Variants in ARIH1 observed in about 807,000 individuals in gnomAD.
ARIH1 encodes the protein E3 ubiquitin-protein ligase ARIH1.
Under a neutral mutation model 85.0 loss-of-function variants are expected in ARIH1, and 8 were observed. That is an observed-to-expected ratio of 0.09 (90% CI 0.06 to 0.17). ARIH1 has a LOEUF of 0.17. ARIH1 is among the 10% of genes least tolerant of loss of function. ARIH1 has a pLI of 1.00. For missense variants in ARIH1, 311 were observed against 718.1 expected (o/e 0.43, Z 6.48); for synonymous variants, 238 against 253.6 (o/e 0.94, Z 0.59).
At chr15:72,516,583 C>T (rs1233949418) in intron 1 of ARIH1, among the ~76,000 whole-genome samples, 3 of 152,126 alleles carry the variant, frequency 2.0e-5, no homozygotes, top group African/African-American at 7.2e-5. Flanking sequence ...CAGCAGTGCT[C>T]TGTTAAAGAC....
At chr15:72,553,015 T>C (rs934143052) in intron 3 of ARIH1, among the ~76,000 whole-genome samples, 24 of 152,134 alleles carry the variant, frequency 1.6e-4, no homozygotes, top group African/African-American at 5.8e-4. Flanking sequence ...CTGTAAGTGA[T>C]CCGCCCACCT....
At chr15:72,553,120 A>C (rs1419262969) in intron 3 of ARIH1, among the ~76,000 whole-genome samples, 3 of 152,182 alleles carry the variant, frequency 2.0e-5, no homozygotes, top group African/African-American at 4.8e-5. Context: ...TGTACTGTTA[A>C]AGTAATTGTT....
chr15:72,478,532 T>C (rs1009723585), intron 1 of ARIH1, among the ~76,000 whole-genome samples: 9 of 152,222 alleles, frequency 5.9e-5, no homozygotes, highest in African/African-American at 2.2e-4. Context: ...TCCACAACAG[T>C]GTTCAGCAAA....
chr15:72,578,251 T>G (rs115050923), intron 11 of ARIH1, among the ~76,000 whole-genome samples: 40 of 152,324 alleles, frequency 2.6e-4, no homozygotes, highest in African/African-American at 9.6e-4. Flanking sequence ...TGGACACAGT[T>G]TTCTCTACCA....
intron 12 of ARIH1, 129 bp from the exon 13 acceptor site, chr15:72,581,946 G>T (rs2064296871): frequency 1.7e-6 from 1 of 589,384 alleles, no homozygotes; most frequent in Non-Finnish European, 3.1e-6. Flanking sequence ...AGCTTTACAG[G>T]TGCAGTTAAA....
intron 1 of ARIH1, among the ~76,000 whole-genome samples, chr15:72,516,308 T>C (rs1273042962): frequency 2.6e-5 from 4 of 152,184 alleles, no homozygotes; most frequent in African/African-American, 9.7e-5. Flanking sequence ...AGTCTCTTGA[T>C]TGATGGAGAG....
At chr15:72,487,234 A>G (rs1440345965) in intron 1 of ARIH1, among the ~76,000 whole-genome samples, 2 of 152,186 alleles carry the variant, frequency 1.3e-5, no homozygotes, top group Non-Finnish European at 2.9e-5. Context: ...TTACTGAGAC[A>G]TTTGCTTAGA....
rs555880025 is a variant in ARIH1, at chr15:72,533,412, G to T, written c.444-11408G>T. ...GTGCTGGGATTATAGGCGTGAGCCC[G>T]TGGGCCCGGCCCCTGGCTGTTAATA... On this transcript the variant is annotated intron_variant, in intron 2 of 13. Coordinates refer to ENST00000379887, the MANE Select transcript of ARIH1 (RefSeq NM_005744.5). Among the ~76,000 whole-genome samples the T allele has an allele frequency of 5.3e-5, 8 of 152,288 alleles. No individual in the cohort carries two copies. The East Asian group carries it at 1.4e-3, about 26-fold the overall frequency.
chr15:72,500,491 C>T (rs2063898269), intron 1 of ARIH1, among the ~76,000 whole-genome samples: 1 of 152,182 alleles, frequency 6.6e-6, no homozygotes, highest in African/African-American at 2.4e-5. Context: ...TGGACCCTTT[C>T]AACTGGAAGA....
In ARIH1 at chr15:72,583,330, C is replaced by T. The variant is rs765112850; in HGVS notation, c.*38C>T. On this transcript the variant is annotated 3_prime_UTR_variant, in exon 14 of 14. Transcript: ENST00000379887. The stretch of plus-strand genomic sequence containing the variant: ...ATAAAATGAACTCTGAAAACTTTAC[C>T]ATCTAGAGTGCTCATGCAATTAAAA... 2 of 1,524,364 alleles carry T rather than the reference C, an allele frequency of 1.3e-6. No homozygotes were observed. Among genetic ancestry groups the T allele is most frequent in the Non-Finnish European group, 1.8e-6 (2 of 1,104,558 alleles). 94.4% of individuals were successfully genotyped at this position (1,524,364 alleles called of 1,614,324 possible). A position where few individuals can be genotyped will look rare whatever the true frequency, so the allele number is the denominator to read the frequency against.
intron 1 of ARIH1, among the ~76,000 whole-genome samples, chr15:72,509,603 A>G (rs563616543): frequency 6.6e-6 from 1 of 151,784 alleles, no homozygotes; most frequent in East Asian, 1.9e-4. Context: ...TCACTCATTC[A>G]TTTAAGACAG....
At chr15:72,477,396 G>C (rs186152815) in intron 1 of ARIH1, among the ~76,000 whole-genome samples, 36 of 152,300 alleles carry the variant, frequency 2.4e-4, no homozygotes, top group Admixed American at 2.1e-3. Flanking sequence ...GCATTAGAGA[G>C]CTTACTGTTA....
rs1471941098 is a variant in ARIH1, at chr15:72,474,900, T to TGGTGGC, written c.264_269dup (p.Gly89_Gly90dup). 4.2e-6 allele frequency: 6 copies of TGGTGGC among 1,441,010 alleles called. No homozygotes were observed. The highest frequency in any genetic ancestry group is 4.6e-6 in the Non-Finnish European group (5 of 1,091,316). 89.3% of individuals were successfully genotyped at this position (1,441,010 alleles called of 1,614,324 possible). A position where few individuals can be genotyped will look rare whatever the true frequency, so the allele number is the denominator to read the frequency against. On this transcript the variant is annotated inframe_insertion, in exon 1 of 14. Coordinates refer to ENST00000379887, the MANE Select transcript of ARIH1 (RefSeq NM_005744.5). ...GCGGCGGCGGCGGCGGCGGCGGTGG[T>TGGTGGC]GGTGGCGGGCCGGGGCATGAGCAGG...
At chr15:72,517,742 G>A (rs1209453656) in intron 1 of ARIH1, among the ~76,000 whole-genome samples, 1 of 152,014 alleles carries the variant, frequency 6.6e-6, no homozygotes, top group Non-Finnish European at 1.5e-5. Context: ...ATTACATTTA[G>A]TGTGCTGATG....
chr15:72,512,525 T>C (rs903611924), intron 1 of ARIH1, among the ~76,000 whole-genome samples: 7 of 151,568 alleles, frequency 4.6e-5, no homozygotes, highest in Admixed American at 1.3e-4. Flanking sequence ...TTTCTTTTTT[T>C]TTTTCCTTTT....
chr15:72,529,335 G>A (rs112206739), intron 2 of ARIH1, among the ~76,000 whole-genome samples: 5 of 152,146 alleles, frequency 3.3e-5, no homozygotes, highest in South Asian at 4.1e-4. Flanking sequence ...CTTGAACTCC[G>A]GGGCTCAAAC....
rs535261674 is a variant in ARIH1 at position 72,498,961 on chromosome 15, A to ATTTTTTTTTTT, written c.376-19079_376-19069dup. On this transcript the variant is annotated intron_variant, in intron 1 of 13. Coordinates refer to ENST00000379887, the MANE Select transcript of ARIH1 (RefSeq NM_005744.5). ...TTATGTCGTTTGCACCTTTTCATAA[A>ATTTTTTTTTTT]TTTTTTTTTTTTTTTTTTTTTTTTT... 2.0e-4 allele frequency among the ~76,000 whole-genome samples: 18 copies of ATTTTTTTTTTT among 88,430 alleles called. 2 individuals carry two copies. The highest frequency in any genetic ancestry group is 4.0e-4 in the South Asian group (1 of 2,504). 58.0% of individuals were successfully genotyped at this position (88,430 alleles called of 152,430 possible). A position where few individuals can be genotyped will look rare whatever the true frequency, so the allele number is the denominator to read the frequency against.
At chr15:72,528,659 G>C (rs977700988) in intron 2 of ARIH1, among the ~76,000 whole-genome samples, 3 of 152,078 alleles carry the variant, frequency 2.0e-5, no homozygotes, top group African/African-American at 7.2e-5. Context: ...TTTGAGACTA[G>C]CCTGGACAAC....
chr15:72,528,784 G>A (rs1030052714), intron 2 of ARIH1, among the ~76,000 whole-genome samples: 4 of 152,140 alleles, frequency 2.6e-5, no homozygotes, highest in Non-Finnish European at 5.9e-5. Context: ...GAGCCCAGGA[G>A]GGTGGAGCTG....
Sources: gnomAD v4.1 joint callset for allele counts (sites outside exome capture counted in the v4.1 genomes callset) on GRCh38, gnomAD v4.1.1 for gene constraint, MANE v1.5 for transcripts, NCBI Gene and HGNC (gene_info 2026-07-23, HGNC 2026-07-21) for gene names.